PAM: variants seen among roughly 807,000 people sequenced by gnomAD.
PAM encodes peptidyl-glycine alpha-amidating monooxygenase.
PAM carries 72 observed loss-of-function variants against 122.1 expected under a neutral mutation model. The ratio of observed to expected loss-of-function variants is 0.59; its 90% CI spans 0.49 to 0.72. PAM has a LOEUF of 0.72. PAM is among the 30% of genes least tolerant of loss of function. PAM has a pLI of 0.00. For missense variants in PAM, 1,106 were observed against 1,183.7 expected, an observed-to-expected ratio of 0.93 and a Z score of 0.96; for synonymous variants, 389 against 404.4, an observed-to-expected ratio of 0.96 and a Z score of 0.46.
At position 102,960,063 on chromosome 5, in the gene PAM, A is replaced by T; in HGVS notation, c.1090+4A>T. ...ATGATGCATGAACATCATAAAGGTA[A>T]TAATTGATGTTTAATATAAAGTAAT... On this transcript the variant is annotated splice_donor_region_variant and intron_variant, in intron 13 of 25. Transcript: ENST00000438793. 6.8e-7 allele frequency: 1 copy of T among 1,474,816 alleles called. No homozygotes were observed. The highest frequency in any genetic ancestry group is 1.2e-5 in the South Asian group (1 of 82,212). 91.4% of individuals were successfully genotyped at this position (1,474,816 alleles called of 1,614,324 possible). A position where few individuals can be genotyped will look rare whatever the true frequency, so the allele number is the denominator to read the frequency against.
intron 19 of PAM, 57 bp from the exon 20 acceptor site, chr5:103,007,400 G>A (rs1779357255): frequency 1.4e-6 from 2 of 1,437,364 alleles, no homozygotes; most frequent in Non-Finnish European, 2.0e-6. Context: ...ATACTAGAGA[G>A]TCAAACTTTG....
In PAM at chr5:102,902,400, C is replaced by G. The variant is rs868240051; in HGVS notation, c.268+987C>G. On this transcript the variant is annotated intron_variant, in intron 4 of 25. Coordinates refer to ENST00000438793, the MANE Select transcript of PAM (RefSeq NM_001177306.2). ...ACAGCAAATACAACCTTTAATAACACTCTCAACAAAATTTGCTGCATAGTT... is the reference window on the plus strand; with the variant it reads ...ACAGCAAATACAACCTTTAATAACAGTCTCAACAAAATTTGCTGCATAGTT... Among the ~76,000 whole-genome samples the G allele has an allele frequency of 3.3e-5, 5 of 151,682 alleles. No individual in the cohort carries two copies. The South Asian group carries it at 1.0e-3, about 31-fold the overall frequency.
chr5:102,867,462 G>A, intron 3 of PAM, 69 bp downstream of exon 3: 1 of 1,164,748 alleles, frequency 8.6e-7, no homozygotes, highest in Middle Eastern at 2.0e-4. Context: ...TAAGGAAACT[G>A]CATTTACAGC....
At chr5:102,949,332 TAAAATA>T (rs138859308) in intron 9 of PAM, among the ~76,000 whole-genome samples, 199 bp from the exon 10 acceptor site, 2,338 of 152,220 alleles carry the variant, frequency 0.015, 33 homozygotes, top group African/African-American at 0.032. Flanking sequence ...TGTTTATGAA[TAAAATA>T]AAAATATAAG....
chr5:102,994,690 T>C (rs1011870663), intron 16 of PAM, among the ~76,000 whole-genome samples: 3 of 152,164 alleles, frequency 2.0e-5, no homozygotes, highest in Non-Finnish European at 2.9e-5. Context: ...TTACTGGAAG[T>C]TTATGCTTAT....
intron 7 of PAM, among the ~76,000 whole-genome samples, chr5:102,927,811 C>A (rs1380846198): frequency 6.7e-6 from 1 of 149,750 alleles, no homozygotes; most frequent in Non-Finnish European, 1.5e-5. Flanking sequence ...AGCCTATGAA[C>A]CTAACTTAGA....
chr5:102,829,427 A>G (rs995470779), intron 1 of PAM, among the ~76,000 whole-genome samples: 1 of 146,724 alleles, frequency 6.8e-6, no homozygotes, highest in Non-Finnish European at 1.5e-5. Flanking sequence ...GCAGGAGTGC[A>G]GTGTCGCGAT....
chr5:102,841,504 G>T (rs1287631925), intron 1 of PAM, among the ~76,000 whole-genome samples: 2 of 151,524 alleles, frequency 1.3e-5, no homozygotes, highest in Non-Finnish European at 2.9e-5. Flanking sequence ...TATCCTAGCA[G>T]ATTTGTTGTA....
At chr5:102,828,970 T>C (rs1774555659) in intron 1 of PAM, among the ~76,000 whole-genome samples, 1 of 150,312 alleles carries the variant, frequency 6.7e-6, no homozygotes, top group Non-Finnish European at 1.5e-5. Context: ...CCTAGGCTGG[T>C]CTCAAATTCT....
chr5:103,021,627 C>G (rs972955446), intron 23 of PAM, among the ~76,000 whole-genome samples: 3 of 152,116 alleles, frequency 2.0e-5, no homozygotes, highest in African/African-American at 7.2e-5. Flanking sequence ...AATGTCTTGC[C>G]TTGACAGTCC....
chr5:103,012,655 C>A (rs1780946661), intron 21 of PAM, among the ~76,000 whole-genome samples: 1 of 151,998 alleles, frequency 6.6e-6, no homozygotes, highest in Non-Finnish European at 1.5e-5. Flanking sequence ...GAGATCGAGA[C>A]CATCCTGGCT....
chr5:102,850,265 C>G (rs1309898973), intron 1 of PAM, among the ~76,000 whole-genome samples: 2 of 152,042 alleles, frequency 1.3e-5, no homozygotes, highest in African/African-American at 2.4e-5. Flanking sequence ...TTTTTTAGCC[C>G]TTAGCAAACA....
At chr5:102,841,061 T>C (rs1778465960) in intron 1 of PAM, among the ~76,000 whole-genome samples, 1 of 152,116 alleles carries the variant, frequency 6.6e-6, no homozygotes, top group African/African-American at 2.4e-5. Flanking sequence ...GGTATAGGAA[T>C]AGTGTGTCAC....
intron 7 of PAM, among the ~76,000 whole-genome samples, chr5:102,938,318 A>C (rs531245321): frequency 6.6e-6 from 1 of 152,294 alleles, no homozygotes; most frequent in Non-Finnish European, 1.5e-5. Flanking sequence ...TTAATACCTA[A>C]ATATGGCCAT....
intron 14 of PAM, among the ~76,000 whole-genome samples, chr5:102,963,598 C>G (rs1024780317): frequency 6.6e-6 from 1 of 151,842 alleles, no homozygotes; most frequent in African/African-American, 2.4e-5. Flanking sequence ...TGTGGTTGTG[C>G]TAGCCACAAG....
rs765726931 is a variant in PAM at position 102,855,553 on chromosome 5, A to G, written c.-373-10270A>G. On this transcript the variant is annotated intron_variant, in intron 1 of 25. Coordinates refer to ENST00000438793, the MANE Select transcript of PAM (RefSeq NM_001177306.2). ...ATCTAGACATTTCCTATAGACTTTT[A>G]AAGAAAGAGAATACTTATTTTGTAA... Among the ~76,000 whole-genome samples the G allele has an allele frequency of 6.6e-4, 101 of 152,334 alleles. No individual in the cohort carries two copies. In the Middle Eastern group the frequency reaches 0.02, roughly 31 times the overall value.
chr5:102,780,087 C>T (rs967521514), intron 1 of PAM, among the ~76,000 whole-genome samples: 21 of 151,598 alleles, frequency 1.4e-4, no homozygotes, highest in Non-Finnish European at 2.6e-4. Context: ...AAAACGTGTG[C>T]CCCCTGCTCC....
intron 4 of PAM, among the ~76,000 whole-genome samples, chr5:102,913,106 T>C (rs926615507): frequency 6.6e-6 from 1 of 152,016 alleles, no homozygotes; most frequent in African/African-American, 2.4e-5. Context: ...TTTGGGGCTA[T>C]TTAGCATTTT....
chr5:102,892,442 C>T (rs1290745790), intron 3 of PAM, among the ~76,000 whole-genome samples: 1 of 151,834 alleles, frequency 6.6e-6, no homozygotes, highest in African/African-American at 2.4e-5. Context: ...CTGCAATTTG[C>T]AGCCAAATGC....
Sources: allele counts gnomAD v4.1 joint callset (sites outside exome capture counted in the v4.1 genomes callset), GRCh38; gene constraint gnomAD v4.1.1; transcripts MANE v1.5; gene names NCBI Gene and HGNC (gene_info 2026-07-23, HGNC 2026-07-21).